Variants in FBN3 observed in about 807,000 individuals in gnomAD.
FBN3 encodes the protein fibrillin-3.
FBN3 carries 234 observed loss-of-function variants against 330.1 expected under a neutral mutation model. That is an observed-to-expected ratio of 0.71 (90% CI 0.64 to 0.79). FBN3 has a LOEUF of 0.79. FBN3 is among the 30% of genes least tolerant of loss of function. The pLI is 0.00. For missense variants in FBN3, 3,606 were observed against 3,886.9 expected (o/e 0.93, Z 1.92); for synonymous variants, 1,458 against 1,517.3 (o/e 0.96, Z 0.91).
chr19:8,086,392 A>C, intron 54 of FBN3, 67 bp from the exon 55 acceptor site: 1 of 1,321,630 alleles, frequency 7.6e-7, no homozygotes, highest in South Asian at 1.4e-5. Context: ...CCACAGCCCC[A>C]AAGGGCCCCT....
At chr19:8,094,614 GC>G in intron 46 of FBN3, 49 bp from the exon 47 acceptor site, 1 of 1,582,320 alleles carries the variant, frequency 6.3e-7, no homozygotes, top group Non-Finnish European at 8.6e-7. Context: ...GATGCAGGGG[GC>G]TCACTTGGGA....
Position 8,106,121 on chromosome 19 carries a change from G to T in FBN3, c.4800C>A (p.Thr1600=), listed in dbSNP as rs1202641854. 2 of 1,614,114 alleles carry T rather than the reference G, an allele frequency of 1.2e-6. No individual in the cohort carries two copies. Among genetic ancestry groups the T allele is most frequent in the Admixed American group, 3.3e-5 (2 of 60,020 alleles). ...ATCCATGCTCACCCTCACAGATGCGGGTGTGCTCACTGAGGTGGTAGCCAG... is the reference window on the plus strand; with the variant it reads ...ATCCATGCTCACCCTCACAGATGCGTGTGTGCTCACTGAGGTGGTAGCCAG... ...CPPGYHLSEH[T]RICEDIDECS... Residue 1600 remains threonine (T), a synonymous_variant, in exon 38 of 64, where the codon ACC becomes ACA. Transcript: ENST00000600128.
At chr19:8,106,033 G>T in intron 38 of FBN3, 75 bp downstream of exon 38, 1 of 1,576,500 alleles carries the variant, frequency 6.3e-7, no homozygotes, top group Non-Finnish European at 8.7e-7. Flanking sequence ...CTCTACCCTT[G>T]TGAGGCTTGG....
chr19:8,070,055 T>A (rs2081479307), intron 63 of FBN3, among the ~76,000 whole-genome samples: 1 of 152,194 alleles, frequency 6.6e-6, no homozygotes, highest in Non-Finnish European at 1.5e-5. Context: ...TAGTAAATCC[T>A]ACAGACACAG....
chr19:8,071,197 CTT>C (rs1213764044), intron 63 of FBN3, among the ~76,000 whole-genome samples: 1 of 152,144 alleles, frequency 6.6e-6, no homozygotes, highest in East Asian at 1.9e-4. Flanking sequence ...GTCAGGGACT[CTT>C]CAGTTGAGGG....
chr19:8,141,413 T>A (rs2145038797), intron 8 of FBN3, among the ~76,000 whole-genome samples: 1 of 143,762 alleles, frequency 7.0e-6, no homozygotes, highest in East Asian at 2.0e-4. Context: ...GAACAAGGGG[T>A]CTCTCTCCTA....
At position 8,096,028 on chromosome 19, in the gene FBN3, G is replaced by A. The variant is rs748727853; in HGVS notation, c.5592C>T (p.Ile1864=). Residue 1864 remains isoleucine (I), a synonymous_variant, in exon 45 of 64, where the codon ATC becomes ATT. Transcript: ENST00000600128. The surrounding 1 kb of genome is among the most constrained non-coding windows in gnomAD (Gnocchi z 4.6). The part of the protein sequence containing the change: ...QPCGNGTCKN[I]IGSYNCLCFP... ...AGCAGAGGCAGTTGTAGGAGCCAAT[G>A]ATGTTCTTGCAGGTCCCATTTCCAC... 8 of 1,614,100 alleles carry A rather than the reference G, an allele frequency of 5.0e-6. No homozygotes were observed. The highest frequency in any genetic ancestry group is 5.9e-6 in the Non-Finnish European group (7 of 1,179,984).
At chr19:8,074,198 C>T (rs748630885) in intron 61 of FBN3, among the ~76,000 whole-genome samples, 5 of 151,834 alleles carry the variant, frequency 3.3e-5, no homozygotes, top group East Asian at 1.9e-4. Context: ...TGAGTCAGTA[C>T]GGGGGGAGGA....
rs1172446811 is a variant in FBN3 at position 8,085,672 on chromosome 19, A to G, written c.6881-103T>C. The G allele has an allele frequency of 5.7e-6, 5 of 881,364 alleles. No individual in the cohort carries two copies. In the Admixed American group the frequency reaches 1.3e-4, roughly 22 times the overall value. The allele number at this position is 881,364 out of a possible 1,614,324, so 54.6% of individuals were successfully genotyped here. On this transcript the variant is annotated intron_variant, in intron 55 of 63. Transcript: ENST00000600128. ...AAGCTGTATTTTGGGGGTGTTGGGG[A>G]CAGGGGTGTCCAGGAGGGAGTTGGA...
In FBN3 at chr19:8,065,818, C is replaced by T. The variant is rs1266974178; in HGVS notation, c.*101G>A. Reference sequence around the variant, plus strand: ...GTAGCATTTCACTCTTCCTGAGTTTCGGGGTTCAATCTGGTCAGCCATCGC... The same window carrying T: ...GTAGCATTTCACTCTTCCTGAGTTTTGGGGTTCAATCTGGTCAGCCATCGC... On this transcript the variant is annotated 3_prime_UTR_variant, in exon 64 of 64. Coordinates refer to ENST00000600128, the MANE Select transcript of FBN3 (RefSeq NM_032447.5). The T allele has an allele frequency of 2.5e-5, 25 of 988,884 alleles. No homozygotes were observed. The highest frequency in any genetic ancestry group is 2.4e-4 in the Admixed American group (9 of 37,138). The allele number at this position is 988,884 out of a possible 1,614,324, so 61.3% of individuals were successfully genotyped here.
At chr19:8,116,917 G>T in intron 28 of FBN3, 118 bp from the exon 29 acceptor site, 1 of 1,319,016 alleles carries the variant, frequency 7.6e-7, no homozygotes. Flanking sequence ...ATGGTCACTC[G>T]AGTAGTCTGG....
chr19:8,108,456 C>T lies in FBN3; in HGVS notation c.4619-218G>A, dbSNP rs573091730. 1.8e-4 allele frequency among the ~76,000 whole-genome samples: 28 copies of T among 151,872 alleles called. No individual in the cohort carries two copies. The East Asian group carries it at 1.9e-3, about 11-fold the overall frequency. The stretch of plus-strand genomic sequence containing the variant: ...GTGTGTGTGCATGTGCGTGTGCATG[C>T]GTGTGTGTGTGTAAATGTGGGTTCC... On this transcript the variant is annotated intron_variant, in intron 36 of 63. Transcript: ENST00000600128.
chr19:8,096,454 G>C lies in FBN3; in HGVS notation c.5529C>G (p.Thr1843=). 1 of 1,613,786 alleles carries C rather than the reference G, an allele frequency of 6.2e-7. No homozygotes were observed. The highest frequency in any genetic ancestry group is 8.5e-7 in the Non-Finnish European group (1 of 1,179,850). The part of the protein sequence containing the change: ...HRGFQASADQ[T]LCMDIDECDR... ...AGATAAGGGTCTCACCCATGCACAG[G>C]GTCTGGTCTGCAGAGGCCTGGAATC... Residue 1843 remains threonine, a synonymous_variant, in exon 44 of 64, where the codon ACC becomes ACG. Transcript: ENST00000600128. This position sits in a 1 kb window ranked among gnomAD's most constrained non-coding sequence, Gnocchi z 4.6.
chr19:8,134,395 A>G (rs1365804688), intron 13 of FBN3, among the ~76,000 whole-genome samples: 1 of 152,204 alleles, frequency 6.6e-6, no homozygotes, highest in African/African-American at 2.4e-5. Context: ...CTATTCATGT[A>G]ATGGAACATT....
rs550297708 is a variant in FBN3, at chr19:8,096,828, C to T, written c.5413+53G>A. 6.9e-6 allele frequency: 11 copies of T among 1,597,740 alleles called. No individual in the cohort carries two copies. The East Asian group carries it at 2.2e-4, about 32-fold the overall frequency. On this transcript the variant is annotated intron_variant, in intron 43 of 63. Transcript: ENST00000600128. The surrounding 1 kb of genome is among the most constrained non-coding windows in gnomAD (Gnocchi z 4.6). ...GACAGAGCCATACCCCATCTAAGTC[C>T]CCATGGGTGACAGAGCCCAGCTCCC...
chr19:8,135,936 G>GGGGGGGGGGGGGGGGGGGGGGGGGCC, intron 13 of FBN3, 25 bp downstream of exon 13: 5 of 668,776 alleles, frequency 7.5e-6, no homozygotes, highest in Non-Finnish European at 1.2e-5. Context: ...GGAAGCCCCT[G>GGGGGGGGGGGGGGGGGGGGGGGGGCC]CCCACCCGCC....
intron 38 of FBN3, 78 bp downstream of exon 38, chr19:8,106,030 C>G: frequency 6.4e-7 from 1 of 1,571,014 alleles, no homozygotes; most frequent in African/African-American, 1.3e-5. Context: ...CTCCTCTACC[C>G]TTGTGAGGCT....
chr19:8,141,845 G>T lies in FBN3; in HGVS notation c.740-3C>A, dbSNP rs2083422688. The T allele has an allele frequency of 4.3e-6, 7 of 1,614,074 alleles. No individual in the cohort carries two copies. Among genetic ancestry groups the T allele is most frequent in the Non-Finnish European group, 4.2e-6 (5 of 1,179,936 alleles). ...CACAGCCTGGCACTCATCCACATCT[G>T]CAAGGACAAAGCCCGGCAGGGGAGT... On this transcript the variant is annotated splice_region_variant and splice_polypyrimidine_tract_variant and intron_variant, in intron 7 of 63. Coordinates refer to ENST00000600128, the MANE Select transcript of FBN3 (RefSeq NM_032447.5).
intron 63 of FBN3, among the ~76,000 whole-genome samples, chr19:8,071,062 G>A (rs1368309335): frequency 6.6e-6 from 1 of 151,912 alleles, no homozygotes; most frequent in East Asian, 1.9e-4. Context: ...ACACCTCCCA[G>A]GGTTGTCATA....
Sources: allele counts gnomAD v4.1 joint callset (sites outside exome capture counted in the v4.1 genomes callset), GRCh38; gene constraint gnomAD v4.1.1; non-coding constraint Gnocchi (gnomAD v3.1); transcripts MANE v1.5; gene names NCBI Gene and HGNC (gene_info 2026-07-23, HGNC 2026-07-21).